Variants in CNTN5 observed in about 807,000 individuals in gnomAD.
The protein encoded by CNTN5 is contactin-5.
In CNTN5, 77 loss-of-function variants were observed where a neutral mutation model predicts 129.1. The ratio of observed to expected loss-of-function variants is 0.60; its 90% confidence interval spans 0.50 to 0.72. The LOEUF is 0.72. Among genes scored for constraint, CNTN5 ranks in the 30% least tolerant of loss-of-function variants. The pLI is 0.00. For synonymous variants in CNTN5, 509 were observed against 465.6 expected (o/e 1.09, Z -1.20); for missense variants, 1,478 against 1,328.8 (o/e 1.11, Z -1.75).
At chr11:99,301,891 A>T (rs1318506727) in intron 1 of CNTN5, among the ~76,000 whole-genome samples, 1 of 151,754 alleles carries the variant, frequency 6.6e-6, no homozygotes, top group Non-Finnish European at 1.5e-5. Flanking sequence ...GACTCAAAAC[A>T]CAATGTAATT....
At position 99,303,974 on chromosome 11, in the gene CNTN5, T is replaced by A. The variant is rs149621535; in HGVS notation, c.-209-21372T>A. ...CCTCAGCATGGCCTTCATCTGGGGG[T>A]GGTCCTTCAGAAGTTTCTTCCATGT... On this transcript the variant is annotated intron_variant, in intron 1 of 24. Transcript: ENST00000524871. Among the ~76,000 whole-genome samples the A allele has an allele frequency of 2.1e-3, 316 of 152,074 alleles. 3 individuals are homozygous for A. The South Asian group carries it at 0.028, about 13-fold the overall frequency.
At chr11:100,294,256 A>T (rs2138872722) in intron 18 of CNTN5, among the ~76,000 whole-genome samples, 1 of 151,962 alleles carries the variant, frequency 6.6e-6, no homozygotes, top group South Asian at 2.1e-4. Flanking sequence ...GCATATTATT[A>T]GTGTGACTCA....
chr11:99,248,001 G>T (rs1413863066), intron 1 of CNTN5, among the ~76,000 whole-genome samples: 2 of 152,134 alleles, frequency 1.3e-5, no homozygotes, highest in Non-Finnish European at 2.9e-5. Context: ...TGGGTCAAAT[G>T]GTATTTCCAG....
chr11:99,194,742 A>C (rs1429818481), intron 1 of CNTN5, among the ~76,000 whole-genome samples: 4 of 152,078 alleles, frequency 2.6e-5, no homozygotes, highest in African/African-American at 9.7e-5. Flanking sequence ...AGTAGCTGGG[A>C]CTACAGGTGC....
At chr11:100,072,988 G>T (rs1159569602) in intron 12 of CNTN5, among the ~76,000 whole-genome samples, 1 of 24,792 alleles carries the variant, frequency 4.0e-5, no homozygotes, top group Admixed American at 3.4e-4. Flanking sequence ...ATTCCCAGGA[G>T]GCAAAAAAAA....
At chr11:99,159,479 G>A (rs1018914521) in intron 1 of CNTN5, among the ~76,000 whole-genome samples, 3 of 152,090 alleles carry the variant, frequency 2.0e-5, no homozygotes, top group African/African-American at 4.8e-5. Context: ...AAAAGTAGCC[G>A]GGCATAGTGG....
chr11:99,397,822 A>G (rs888855412), intron 2 of CNTN5, among the ~76,000 whole-genome samples: 4 of 151,842 alleles, frequency 2.6e-5, no homozygotes, highest in South Asian at 2.1e-4. Flanking sequence ...TTATCAGAAA[A>G]TGGTATTAGA....
intron 3 of CNTN5, among the ~76,000 whole-genome samples, chr11:99,759,664 A>G (rs942217412): frequency 1.4e-5 from 2 of 141,044 alleles, no homozygotes; most frequent in Non-Finnish European, 3.1e-5. Context: ...GTTTGCCGGT[A>G]GTCAGACTAA....
At chr11:100,245,918 T>C (rs1239776268) in intron 16 of CNTN5, among the ~76,000 whole-genome samples, 1 of 152,126 alleles carries the variant, frequency 6.6e-6, no homozygotes, top group Non-Finnish European at 1.5e-5. Flanking sequence ...TTAGAAAATA[T>C]ATAACACTTA....
chr11:99,977,679 G>A (rs1468988134), intron 8 of CNTN5, among the ~76,000 whole-genome samples: 1 of 152,118 alleles, frequency 6.6e-6, no homozygotes, highest in African/African-American at 2.4e-5. Flanking sequence ...GCACTAGGGG[G>A]ATGGTGCTAA....
intron 1 of CNTN5, among the ~76,000 whole-genome samples, chr11:99,163,197 A>G (rs1392233417): frequency 6.6e-6 from 1 of 152,142 alleles, no homozygotes; most frequent in Non-Finnish European, 1.5e-5. Flanking sequence ...TTTTCTGATT[A>G]TTGATTAGGT....
At chr11:100,308,694 T>C in intron 21 of CNTN5, 2 of 1,126,406 alleles carry the variant, frequency 1.8e-6, no homozygotes, top group South Asian at 4.2e-5. Context: ...AAGATGTTTT[T>C]AAAAGATGAA....
chr11:99,178,872 A>G (rs1297882375), intron 1 of CNTN5, among the ~76,000 whole-genome samples: 1 of 152,118 alleles, frequency 6.6e-6, no homozygotes, highest in Non-Finnish European at 1.5e-5. Context: ...ATCCATTAAT[A>G]TGCATTTAAA....
intron 13 of CNTN5, among the ~76,000 whole-genome samples, chr11:100,144,399 A>G (rs1345547366): frequency 6.6e-6 from 1 of 152,136 alleles, no homozygotes; most frequent in Admixed American, 6.6e-5. Context: ...TGGAGTCCCA[A>G]GTGCTTACTG....
At chr11:100,059,034 A>C (rs1044651298) in intron 9 of CNTN5, among the ~76,000 whole-genome samples, 1 of 152,200 alleles carries the variant, frequency 6.6e-6, no homozygotes, top group African/African-American at 2.4e-5. Flanking sequence ...GACTGGGTCC[A>C]AAGCATGAAG....
intron 3 of CNTN5, among the ~76,000 whole-genome samples, chr11:99,574,328 T>G (rs188834583): frequency 6.6e-6 from 1 of 152,224 alleles, no homozygotes; most frequent in African/African-American, 2.4e-5. Context: ...TTGGGTTGAT[T>G]CCATTTCCTT....
At chr11:99,892,682 C>T (rs535869794) in intron 6 of CNTN5, among the ~76,000 whole-genome samples, 3 of 152,064 alleles carry the variant, frequency 2.0e-5, no homozygotes, top group Non-Finnish European at 2.9e-5. Flanking sequence ...TTCCATTGGT[C>T]TATATATCTG....
intron 1 of CNTN5, among the ~76,000 whole-genome samples, chr11:99,282,855 C>A (rs888579664): frequency 6.6e-6 from 1 of 152,204 alleles, no homozygotes; most frequent in South Asian, 2.1e-4. Flanking sequence ...GAGTCAGCAT[C>A]TGTGGAATTA....
chr11:99,800,276 G>A (rs1946073290), intron 3 of CNTN5, among the ~76,000 whole-genome samples: 1 of 151,974 alleles, frequency 6.6e-6, no homozygotes, highest in Admixed American at 6.6e-5. Flanking sequence ...GGACTTCTTG[G>A]TATTGATTTC....
Sources: gnomAD v4.1 joint callset for allele counts (sites outside exome capture counted in the v4.1 genomes callset) on GRCh38, gnomAD v4.1.1 for gene constraint, MANE v1.5 for transcripts, NCBI Gene and HGNC (gene_info 2026-07-23, HGNC 2026-07-21) for gene names.